Variants in SGCD observed in about 807,000 individuals in gnomAD.
The protein encoded by SGCD is delta-sarcoglycan.
In SGCD, 18 loss-of-function variants were observed where a neutral mutation model predicts 36.6. The ratio of observed to expected loss-of-function variants is 0.49; its 90% CI spans 0.34 to 0.73. SGCD has a LOEUF of 0.73. Among genes scored for constraint, SGCD ranks in the 30% least tolerant of loss-of-function variants. SGCD has a pLI of 0.01. For synonymous variants in SGCD, 133 were observed against 130.6 expected, an observed-to-expected ratio of 1.02 and a Z score of -0.12; for missense variants, 387 against 346.7, an observed-to-expected ratio of 1.12 and a Z score of -0.92.
In SGCD at chr5:155,980,356, C is replaced by T. The variant is rs370588386; in HGVS notation, c.-282+109932C>T. On this transcript the variant is annotated intron_variant, in intron 1 of 9. Transcript: ENST00000517913. ...ATCCCAGCACTTTGGTAGGCCTAGG[C>T]GGGCGGATCATGAGGTCAGGAGATG... Among the ~76,000 whole-genome samples the T allele has an allele frequency of 3.0e-4, 46 of 151,754 alleles. No homozygotes were observed. In the South Asian group the frequency reaches 4.6e-3, roughly 15 times the overall value.
the SGCD span, among the ~76,000 whole-genome samples, chr5:155,835,680 T>G: frequency 3.3e-5 from 5 of 152,236 alleles, no homozygotes; most frequent in Non-Finnish European, 2.9e-5. Context: ...TGCCAATTTT[T>G]GCCATTTTTT....
At chr5:155,926,308 T>C (rs1000057805) in intron 1 of SGCD, among the ~76,000 whole-genome samples, 17 of 152,168 alleles carry the variant, frequency 1.1e-4, no homozygotes, top group Non-Finnish European at 2.2e-4. Flanking sequence ...CTGCATTCCA[T>C]TTACCCTATG....
chr5:155,945,723 A>G (rs1757424700), intron 1 of SGCD, among the ~76,000 whole-genome samples: 1 of 152,152 alleles, frequency 6.6e-6, no homozygotes, highest in Non-Finnish European at 1.5e-5. Context: ...AGCCCAGAAG[A>G]GGAGGTGGAT....
intron 1 of SGCD, among the ~76,000 whole-genome samples, chr5:155,937,527 G>T (rs1199870467): frequency 6.6e-6 from 1 of 152,214 alleles, no homozygotes; most frequent in African/African-American, 2.4e-5. Flanking sequence ...AAGAGAAAAG[G>T]CCAGAAAGGA....
chr5:155,763,774 A>C, the SGCD span, among the ~76,000 whole-genome samples: 2 of 152,082 alleles, frequency 1.3e-5, no homozygotes, highest in African/African-American at 4.8e-5. Flanking sequence ...AATAGTATGA[A>C]TCTTTTGGTA....
intron 3 of SGCD, among the ~76,000 whole-genome samples, chr5:156,139,637 G>T (rs1762528933): frequency 6.6e-6 from 1 of 152,130 alleles, no homozygotes; most frequent in African/African-American, 2.4e-5. Flanking sequence ...ATTTCTTACA[G>T]TTTGGGCAGG....
At chr5:156,410,516 T>A (rs2127769157) in intron 3 of SGCD, among the ~76,000 whole-genome samples, 1 of 152,314 alleles carries the variant, frequency 6.6e-6, no homozygotes, top group African/African-American at 2.4e-5. Flanking sequence ...CTTCTGAATC[T>A]AAAATGAAAG....
intron 1 of SGCD, among the ~76,000 whole-genome samples, chr5:156,008,985 G>T (rs1018677093): frequency 6.6e-6 from 1 of 152,160 alleles, no homozygotes; most frequent in Non-Finnish European, 1.5e-5. Flanking sequence ...GGAGGTATCT[G>T]AAGTTAATAA....
At chr5:156,737,735 G>A (rs61663045) in intron 7 of SGCD, among the ~76,000 whole-genome samples, 4,698 of 152,228 alleles carry the variant, frequency 0.031, 231 homozygotes, top group African/African-American at 0.11. Context: ...CATATGGCAG[G>A]CAGTATACTT....
intron 3 of SGCD, among the ~76,000 whole-genome samples, chr5:156,150,818 A>G (rs190988168): frequency 6.6e-6 from 1 of 151,562 alleles, no homozygotes; most frequent in East Asian, 1.9e-4. Context: ...ATTGATCACT[A>G]TTTTTCCTCA....
chr5:156,603,429 T>C (rs1161777110), intron 6 of SGCD, among the ~76,000 whole-genome samples: 1 of 152,068 alleles, frequency 6.6e-6, no homozygotes, highest in Admixed American at 6.5e-5. Context: ...TTAATTCTAC[T>C]CGATCTTTAT....
At chr5:155,849,589 G>C in the SGCD span, among the ~76,000 whole-genome samples, 1 of 152,100 alleles carries the variant, frequency 6.6e-6, no homozygotes, top group Non-Finnish European at 1.5e-5. Flanking sequence ...TTTTTGGAAG[G>C]ATATTGATTA....
intron 6 of SGCD, among the ~76,000 whole-genome samples, chr5:156,622,111 G>A (rs1045863262): frequency 6.6e-6 from 1 of 152,000 alleles, no homozygotes; most frequent in African/African-American, 2.4e-5. Flanking sequence ...TACATTTTTT[G>A]TATAAAGTGC....
the SGCD span, among the ~76,000 whole-genome samples, chr5:155,838,748 C>A: frequency 7.2e-6 from 1 of 138,748 alleles, no homozygotes; most frequent in African/African-American, 2.7e-5. Context: ...AACTCTTTTC[C>A]ATTAAGCCAT....
At chr5:156,267,257 C>A (rs749995645) in intron 3 of SGCD, among the ~76,000 whole-genome samples, 1 of 152,180 alleles carries the variant, frequency 6.6e-6, no homozygotes, top group Non-Finnish European at 1.5e-5. Context: ...GTTGTTGAGA[C>A]TGTGAAATTT....
At chr5:155,895,279 G>A (rs1756224891) in intron 1 of SGCD, among the ~76,000 whole-genome samples, 1 of 152,172 alleles carries the variant, frequency 6.6e-6, no homozygotes, top group Non-Finnish European at 1.5e-5. Context: ...TGAAAGTTTT[G>A]AGATCTGATT....
At chr5:155,878,889 T>C (rs576309067) in intron 1 of SGCD, among the ~76,000 whole-genome samples, 35 of 152,288 alleles carry the variant, frequency 2.3e-4, no homozygotes, top group Middle Eastern at 3.4e-3. Context: ...TAAACCAAAC[T>C]TGTTAATCTT....
At chr5:156,643,117 C>G (rs1763100443) in intron 6 of SGCD, among the ~76,000 whole-genome samples, 1 of 149,984 alleles carries the variant, frequency 6.7e-6, no homozygotes, top group African/African-American at 2.5e-5. Context: ...ACTGCAACCT[C>G]CACCTCCCGA....
At chr5:155,874,766 G>A (rs1323979527) in intron 1 of SGCD, among the ~76,000 whole-genome samples, 1 of 152,058 alleles carries the variant, frequency 6.6e-6, no homozygotes, top group Non-Finnish European at 1.5e-5. Flanking sequence ...AAAATACCAG[G>A]TATTGGTGAG....
Sources: allele counts gnomAD v4.1 joint callset (sites outside exome capture counted in the v4.1 genomes callset), GRCh38; gene constraint gnomAD v4.1.1; transcripts MANE v1.5; gene names NCBI Gene and HGNC (gene_info 2026-07-23, HGNC 2026-07-21).